Variants in PLD5 observed in about 807,000 individuals in gnomAD.
PLD5 encodes the protein phospholipase D family member 5, also known as inactive phospholipase D5.
Under a neutral mutation model 61.1 loss-of-function variants are expected in PLD5, and 36 were observed. The ratio of observed to expected loss-of-function variants is 0.59; its 90% CI spans 0.45 to 0.78. The LOEUF (loss-of-function observed/expected upper bound fraction) is 0.78, where lower values mean the gene tolerates loss of function less well. Ranked by LOEUF, PLD5 falls within the 30% of genes least tolerant of loss-of-function variation. PLD5 has a pLI of 0.00. For missense variants in PLD5, 515 were observed against 644.4 expected, an observed-to-expected ratio of 0.80 and a Z score of 2.17; for synonymous variants, 243 against 242.8, an observed-to-expected ratio of 1.00 and a Z score of -0.01.
At position 242,524,386 on chromosome 1, in the gene PLD5, G is replaced by A; in HGVS notation, c.-110C>T. 2 of 1,111,538 alleles carry A rather than the reference G, an allele frequency of 1.8e-6. No individual in the cohort carries two copies. Among genetic ancestry groups the A allele is most frequent in the Non-Finnish European group, 1.2e-6 (1 of 851,702 alleles). 68.9% of individuals were successfully genotyped at this position (1,111,538 alleles called of 1,614,324 possible). ...CCAGCGGGAGCCGGAGGTGGAGCTG[G>A]AGACTGAGCTGGAGGAGCTGGAGGA... On this transcript the variant is annotated 5_prime_UTR_variant, in exon 1 of 10. Transcript: ENST00000536534.
At chr1:242,409,462 C>G (rs576782589) in intron 1 of PLD5, among the ~76,000 whole-genome samples, 2 of 152,132 alleles carry the variant, frequency 1.3e-5, no homozygotes, top group East Asian at 3.9e-4. Flanking sequence ...CAAGCAGAAG[C>G]TGAAAGCATC....
intron 5 of PLD5, among the ~76,000 whole-genome samples, chr1:242,149,823 C>T (rs912437211): frequency 3.3e-5 from 5 of 151,472 alleles, no homozygotes; most frequent in African/African-American, 1.2e-4. Context: ...GTAGTGATGT[C>T]CCTTCTTGTA....
At chr1:242,268,895 T>A (rs1241086876) in intron 3 of PLD5, among the ~76,000 whole-genome samples, 2 of 152,126 alleles carry the variant, frequency 1.3e-5, no homozygotes, top group African/African-American at 2.4e-5. Flanking sequence ...CAGACTGGGG[T>A]GCAGTGATGT....
At chr1:242,207,624 A>G (rs1021483162) in intron 5 of PLD5, among the ~76,000 whole-genome samples, 3 of 150,542 alleles carry the variant, frequency 2.0e-5, no homozygotes, top group African/African-American at 2.4e-5. Context: ...TCTATTCAAC[A>G]TAACTTATTT....
At chr1:242,196,965 C>G (rs2036407) in intron 5 of PLD5, among the ~76,000 whole-genome samples, 49,294 of 152,046 alleles carry the variant, frequency 0.32, 8,595 homozygotes, top group East Asian at 0.58. Context: ...GGGACTCACA[C>G]TTTTCCCAGG....
intron 1 of PLD5, among the ~76,000 whole-genome samples, chr1:242,490,120 G>C (rs547899933): frequency 1.3e-5 from 2 of 152,336 alleles, no homozygotes; most frequent in Non-Finnish European, 2.9e-5. Flanking sequence ...ATATCCATGA[G>C]TTCTGATGCC....
chr1:242,468,690 T>TAC (rs918214737), intron 1 of PLD5, among the ~76,000 whole-genome samples: 35 of 151,424 alleles, frequency 2.3e-4, no homozygotes, highest in South Asian at 6.3e-4. Context: ...CACACACACA[T>TAC]ACACACACAC....
At position 242,458,288 on chromosome 1, in the gene PLD5, T is replaced by C. The variant is rs947687566; in HGVS notation, c.189+65800A>G. Among the ~76,000 whole-genome samples, 17 of 152,376 alleles carry C rather than the reference T, an allele frequency of 1.1e-4. 1 individual carries two copies. Among genetic ancestry groups the C allele is most frequent in the Middle Eastern group, 6.8e-3 (2 of 294 alleles). ...AGAAGGAACTGTGTTATTTAATTCTTCTCACTACACCATTGTTGATTTGGC... is the reference window on the plus strand; with the variant it reads ...AGAAGGAACTGTGTTATTTAATTCTCCTCACTACACCATTGTTGATTTGGC... On this transcript the variant is annotated intron_variant, in intron 1 of 9. Transcript: ENST00000536534.
intron 5 of PLD5, among the ~76,000 whole-genome samples, chr1:242,171,944 G>C (rs531144952): frequency 6.6e-6 from 1 of 152,100 alleles, no homozygotes; most frequent in Non-Finnish European, 1.5e-5. Context: ...CACAATAATA[G>C]TGGGAGACTT....
chr1:242,396,668 C>CTTTCTTTTTTTTTT (rs1479365427), intron 1 of PLD5, among the ~76,000 whole-genome samples: 17 of 125,148 alleles, frequency 1.4e-4, no homozygotes, highest in East Asian at 4.5e-4. Flanking sequence ...TCTTTCTTTT[C>CTTTCTTTTTTTTTT]TTTTCTTTTT....
At chr1:242,484,547 T>A (rs1667893109) in intron 1 of PLD5, among the ~76,000 whole-genome samples, 1 of 152,188 alleles carries the variant, frequency 6.6e-6, no homozygotes, top group Non-Finnish European at 1.5e-5. Flanking sequence ...TAACAGGCTC[T>A]GAAATTGAGG....
chr1:242,384,329 C>T (rs1662473551), intron 1 of PLD5, among the ~76,000 whole-genome samples: 1 of 152,198 alleles, frequency 6.6e-6, no homozygotes, highest in Non-Finnish European at 1.5e-5. Flanking sequence ...AGCCACTTCC[C>T]CTCACAGGGA....
At chr1:242,095,080 G>T (rs1299277375) in intron 9 of PLD5, among the ~76,000 whole-genome samples, 2 of 151,958 alleles carry the variant, frequency 1.3e-5, no homozygotes, top group African/African-American at 4.8e-5. Context: ...GGGACTACAG[G>T]TGCCCGCCAC....
intron 1 of PLD5, among the ~76,000 whole-genome samples, chr1:242,425,929 C>T (rs899486439): frequency 6.6e-5 from 10 of 152,084 alleles, no homozygotes; most frequent in African/African-American, 2.4e-4. Context: ...AGGCATGAGC[C>T]ACTGCACCCG....
At chr1:242,299,609 G>A (rs1675912124) in intron 2 of PLD5, among the ~76,000 whole-genome samples, 1 of 152,208 alleles carries the variant, frequency 6.6e-6, no homozygotes, top group African/African-American at 2.4e-5. Context: ...ACCAAATTCT[G>A]GGTGTTTTTC....
intron 4 of PLD5, among the ~76,000 whole-genome samples, chr1:242,223,929 G>T (rs944722841): frequency 4.0e-5 from 6 of 151,874 alleles, no homozygotes; most frequent in African/African-American, 1.2e-4. Flanking sequence ...TTACTTAAGA[G>T]AATTTATATT....
At chr1:242,368,169 C>T (rs758734588) in intron 1 of PLD5, among the ~76,000 whole-genome samples, 2 of 152,132 alleles carry the variant, frequency 1.3e-5, no homozygotes, top group Non-Finnish European at 2.9e-5. Context: ...GGGACTTTTG[C>T]TGGAATGATT....
At chr1:242,204,179 C>T (rs1194953275) in intron 5 of PLD5, among the ~76,000 whole-genome samples, 1 of 151,596 alleles carries the variant, frequency 6.6e-6, no homozygotes, top group Non-Finnish European at 1.5e-5. Context: ...GGAGGCGAAG[C>T]TTGCAGTGAG....
intron 1 of PLD5, among the ~76,000 whole-genome samples, chr1:242,441,731 G>T (rs1227970329): frequency 1.1e-4 from 17 of 152,002 alleles, no homozygotes; most frequent in Non-Finnish European, 2.9e-5. Context: ...GCCATCCTAG[G>T]CAGGGGAGCC....
Sources: gnomAD v4.1 joint callset for allele counts (sites outside exome capture counted in the v4.1 genomes callset) on GRCh38, gnomAD v4.1.1 for gene constraint, MANE v1.5 for transcripts, NCBI Gene and HGNC (gene_info 2026-07-23, HGNC 2026-07-21) for gene names.